Variants in KIAA1217 observed in about 807,000 individuals in gnomAD.
The protein encoded by KIAA1217 is sickle tail protein homolog.
A neutral mutation model predicts 163.9 loss-of-function variants in KIAA1217; 88 were observed. The observed-to-expected ratio is 0.54, with a 90% CI of 0.45 to 0.64. The LOEUF (loss-of-function observed/expected upper bound fraction) is 0.64. Ranked by LOEUF, KIAA1217 falls within the 30% of genes least tolerant of loss-of-function variation. The pLI, the probability that KIAA1217 is intolerant of heterozygous loss-of-function variation, is 0.00. For missense variants in KIAA1217, 2,372 were observed against 2,475.0 expected (o/e 0.96, Z 0.88); for synonymous variants, 903 against 923.1 (o/e 0.98, Z 0.39).
intron 2 of KIAA1217, among the ~76,000 whole-genome samples, chr10:24,256,459 G>A (rs1430674079): frequency 1.3e-5 from 2 of 152,160 alleles, no homozygotes; most frequent in Non-Finnish European, 2.9e-5. Context: ...AAGTGCAGGT[G>A]ATAAGGCTTG....
At chr10:23,934,573 A>ATATGTGTGTGTGTGTGTATG (rs1335117690) in intron 1 of KIAA1217, among the ~76,000 whole-genome samples, 6 of 75,152 alleles carry the variant, frequency 8.0e-5, no homozygotes, top group African/African-American at 3.1e-4. Flanking sequence ...ATATATATAT[A>ATATGTGTGTGTGTGTGTATG]TATATATATA....
At chr10:24,329,714 A>T (rs77060365) in intron 2 of KIAA1217, among the ~76,000 whole-genome samples, 5,822 of 152,266 alleles carry the variant, frequency 0.038, 383 homozygotes, top group African/African-American at 0.13. Context: ...TACTTAGTAC[A>T]GTGCCTGGCT....
chr10:24,448,897 G>A (rs974385352), intron 5 of KIAA1217, among the ~76,000 whole-genome samples: 1 of 152,100 alleles, frequency 6.6e-6, no homozygotes, highest in Non-Finnish European at 1.5e-5. Context: ...TAATGATACA[G>A]ACAATAATCA....
At chr10:24,204,007 T>C (rs199587609), upstream of KIAA1217, among the ~76,000 whole-genome samples, 3 of 152,272 alleles carry the variant, frequency 2.0e-5, no homozygotes, top group South Asian at 4.1e-4. Context: ...TTAAAATAGA[T>C]AAAAGAAACC....
intron 14 of KIAA1217, among the ~76,000 whole-genome samples, chr10:24,529,242 A>T (rs2072730463): frequency 6.6e-6 from 1 of 152,108 alleles, no homozygotes; most frequent in African/African-American, 2.4e-5. Context: ...AAATCTGAGG[A>T]CGTTCCAGTT....
At chr10:24,157,996 C>T (rs1215737103) in intron 2 of KIAA1217, 5 of 762,532 alleles carry the variant, frequency 6.6e-6, no homozygotes, top group African/African-American at 3.4e-5. Flanking sequence ...CAATTAGTGG[C>T]CCTTCAGTAG....
chr10:23,927,911 G>A (rs1423458580), intron 1 of KIAA1217, among the ~76,000 whole-genome samples: 1 of 152,034 alleles, frequency 6.6e-6, no homozygotes, highest in Non-Finnish European at 1.5e-5. Context: ...TAATTAAATG[G>A]AAAAAATGGT....
chr10:23,814,523 G>A (rs1837227177), intron 1 of KIAA1217, among the ~76,000 whole-genome samples: 1 of 152,194 alleles, frequency 6.6e-6, no homozygotes, highest in South Asian at 2.1e-4. Context: ...AAGCATTGGG[G>A]ATGACCCAAA....
chr10:24,506,142 A>G (rs1337027651), intron 9 of KIAA1217, among the ~76,000 whole-genome samples: 1 of 152,212 alleles, frequency 6.6e-6, no homozygotes, highest in Non-Finnish European at 1.5e-5. Context: ...AACATGGGTT[A>G]TATAGCTGTG....
intron 1 of KIAA1217, among the ~76,000 whole-genome samples, chr10:23,749,750 C>T (rs1244473510): frequency 6.6e-6 from 1 of 152,122 alleles, no homozygotes; most frequent in Non-Finnish European, 1.5e-5. Flanking sequence ...CCTGTGATTT[C>T]TGTCTTTCCT....
intron 1 of KIAA1217, among the ~76,000 whole-genome samples, chr10:23,967,838 T>G (rs968968132): frequency 6.6e-6 from 1 of 152,092 alleles, no homozygotes; most frequent in Non-Finnish European, 1.5e-5. Flanking sequence ...TCTAATTGCT[T>G]AGGCACTTAG....
intron 2 of KIAA1217, among the ~76,000 whole-genome samples, chr10:24,064,644 T>C (rs908680864): frequency 6.6e-6 from 1 of 152,212 alleles, no homozygotes; most frequent in Non-Finnish European, 1.5e-5. Context: ...ATCAGGATGA[T>C]GCTGGCCTCA....
intron 1 of KIAA1217, among the ~76,000 whole-genome samples, chr10:23,801,008 A>G (rs752396657): frequency 6.6e-5 from 10 of 152,194 alleles, no homozygotes; most frequent in Admixed American, 2.6e-4. Context: ...TCATCCTACT[A>G]TAAAGACACA....
At chr10:24,236,294 C>T (rs1173422554) in intron 2 of KIAA1217, among the ~76,000 whole-genome samples, 1 of 151,882 alleles carries the variant, frequency 6.6e-6, no homozygotes, top group Non-Finnish European at 1.5e-5. Context: ...TCTTGTTGCC[C>T]AGGCTGGAGT....
At chr10:23,725,717 G>T (rs1315082580) in intron 1 of KIAA1217, among the ~76,000 whole-genome samples, 1 of 152,160 alleles carries the variant, frequency 6.6e-6, no homozygotes, top group Non-Finnish European at 1.5e-5. Context: ...TTGCTTACAT[G>T]CATGGCTTGT....
At chr10:23,748,647 G>A (rs1839558824) in intron 1 of KIAA1217, among the ~76,000 whole-genome samples, 1 of 151,956 alleles carries the variant, frequency 6.6e-6, no homozygotes, top group Non-Finnish European at 1.5e-5. Context: ...TTGCTTATTT[G>A]CCTGCAACCT....
chr10:23,936,861 A>G (rs979707582), intron 1 of KIAA1217, among the ~76,000 whole-genome samples: 5 of 152,172 alleles, frequency 3.3e-5, no homozygotes, highest in South Asian at 2.1e-4. Context: ...CCATGATAAT[A>G]CAAATACAGT....
intron 2 of KIAA1217, among the ~76,000 whole-genome samples, chr10:24,029,948 C>G (rs1488820868): frequency 6.6e-6 from 1 of 152,140 alleles, no homozygotes; most frequent in Admixed American, 6.6e-5. Context: ...AAAACCTGGT[C>G]CCTCCTCTGA....
At chr10:24,495,088 A>T in intron 7 of KIAA1217, 59 bp from the exon 8 acceptor site, 17 of 979,064 alleles carry the variant, frequency 1.7e-5, no homozygotes, top group East Asian at 4.8e-5. Context: ...TGGGCTTTAA[A>T]AAAAAAAAAA....
Sources: gnomAD v4.1 joint callset for allele counts (sites outside exome capture counted in the v4.1 genomes callset) on GRCh38, gnomAD v4.1.1 for gene constraint, MANE v1.5 for transcripts, NCBI Gene and HGNC (gene_info 2026-07-23, HGNC 2026-07-21) for gene names.